Variants in ABCC4 observed in about 807,000 individuals in gnomAD.
ABCC4 encodes ATP binding cassette subfamily C member 4 (PEL blood group), also known as ATP-binding cassette sub-family C member 4.
Under a neutral mutation model 168.5 loss-of-function variants are expected in ABCC4, and 102 were observed. That is an observed-to-expected ratio of 0.61 (90% CI 0.52 to 0.71). ABCC4 has a LOEUF of 0.71. ABCC4 is among the 30% of genes least tolerant of loss of function. ABCC4 has a pLI of 0.00. For synonymous variants in ABCC4, 617 were observed against 590.7 expected, an observed-to-expected ratio of 1.04 and a Z score of -0.65; for missense variants, 1,402 against 1,605.8, an observed-to-expected ratio of 0.87 and a Z score of 2.17.
chr13:95,215,195 C>G (rs956584566), intron 4 of ABCC4, among the ~76,000 whole-genome samples: 2 of 152,088 alleles, frequency 1.3e-5, no homozygotes, highest in Non-Finnish European at 2.9e-5. Context: ...CTGAGGCAGT[C>G]AAATTGCTTG....
At chr13:95,275,908 T>C (rs575600564) in intron 1 of ABCC4, among the ~76,000 whole-genome samples, 2 of 152,358 alleles carry the variant, frequency 1.3e-5, no homozygotes, top group African/African-American at 2.4e-5. Context: ...GTCAATGGGA[T>C]AGATTTTAGG....
At chr13:95,229,891 G>A (rs956478226) in intron 4 of ABCC4, among the ~76,000 whole-genome samples, 3 of 152,102 alleles carry the variant, frequency 2.0e-5, no homozygotes, top group African/African-American at 7.2e-5. Context: ...CTCCAACATG[G>A]AGCCAACTCC....
At chr13:95,227,933 C>A (rs1457916263) in intron 4 of ABCC4, among the ~76,000 whole-genome samples, 4 of 152,174 alleles carry the variant, frequency 2.6e-5, no homozygotes, top group African/African-American at 7.2e-5. Context: ...TGGTCTCGAA[C>A]TCCTGGCCTC....
chr13:95,133,522 C>G (rs1320348124), intron 19 of ABCC4, among the ~76,000 whole-genome samples: 1 of 152,168 alleles, frequency 6.6e-6, no homozygotes, highest in Non-Finnish European at 1.5e-5. Flanking sequence ...TTCAGCTCGA[C>G]GTGGACACTC....
At chr13:95,059,548 G>A (rs1221623600) in intron 26 of ABCC4, among the ~76,000 whole-genome samples, 1 of 152,156 alleles carries the variant, frequency 6.6e-6, no homozygotes, top group African/African-American at 2.4e-5. Context: ...CTAAGACCGG[G>A]GTGGGGGAAA....
chr13:95,175,335 A>G (rs1166321391), intron 13 of ABCC4, among the ~76,000 whole-genome samples: 1 of 151,944 alleles, frequency 6.6e-6, no homozygotes, highest in African/African-American at 2.4e-5. Context: ...TATTTTTGAG[A>G]CAGAATCTCA....
intron 9 of ABCC4, among the ~76,000 whole-genome samples, chr13:95,193,098 T>G (rs1027249196): frequency 2.6e-5 from 4 of 152,150 alleles, no homozygotes; most frequent in Non-Finnish European, 5.9e-5. Context: ...TAGGCAAACA[T>G]GAAACAGGGA....
chr13:95,096,869 T>A (rs1352593884), intron 20 of ABCC4, among the ~76,000 whole-genome samples: 1 of 152,146 alleles, frequency 6.6e-6, no homozygotes, highest in African/African-American at 2.4e-5. Context: ...TAAAGAGCAC[T>A]GGAAAGGACA....
chr13:95,127,726 C>T (rs1027326046), intron 19 of ABCC4, among the ~76,000 whole-genome samples: 8 of 152,146 alleles, frequency 5.3e-5, no homozygotes, highest in African/African-American at 1.9e-4. Context: ...TGGTGCCATT[C>T]TCTAAGGATA....
At chr13:95,250,120 T>TCTTTGACCATCTATGTAAGGA (rs2040216234) in intron 1 of ABCC4, among the ~76,000 whole-genome samples, 2 of 152,194 alleles carry the variant, frequency 1.3e-5, no homozygotes, top group Non-Finnish European at 2.9e-5. Flanking sequence ...GACTAAATTA[T>TCTTTGACCATCTATGTAAGGA]CTTTGACCAT....
intron 19 of ABCC4, among the ~76,000 whole-genome samples, chr13:95,132,684 G>A (rs1729743): frequency 6.6e-6 from 1 of 152,120 alleles, no homozygotes; most frequent in Non-Finnish European, 1.5e-5. Flanking sequence ...AGCACCCACA[G>A]ATACAGAGGC....
chr13:95,282,223 G>A (rs1018234505), intron 1 of ABCC4, among the ~76,000 whole-genome samples: 3 of 152,130 alleles, frequency 2.0e-5, no homozygotes, highest in Admixed American at 2.0e-4. Flanking sequence ...GAACTTTGGG[G>A]GGACATAATT....
rs532033950 is a variant in ABCC4 at position 95,290,222 on chromosome 13, T to C, written c.74+11019A>G. Among the ~76,000 whole-genome samples the C allele has an allele frequency of 1.1e-4, 16 of 152,156 alleles. No homozygotes were observed. The South Asian group carries it at 3.3e-3, about 32-fold the overall frequency. ...AATTGGCCTATAAGGGGAACAGACA[T>C]CCATATTTTTATGGCTGTCCAGGTG... On this transcript the variant is annotated intron_variant, in intron 1 of 30. Coordinates refer to ENST00000645237, the MANE Select transcript of ABCC4 (RefSeq NM_005845.5).
intron 1 of ABCC4, among the ~76,000 whole-genome samples, chr13:95,265,669 G>A (rs1465416182): frequency 6.6e-6 from 1 of 152,124 alleles, no homozygotes; most frequent in Non-Finnish European, 1.5e-5. Context: ...AGGAGAGCAT[G>A]CACCCAGACA....
intron 19 of ABCC4, among the ~76,000 whole-genome samples, chr13:95,138,504 A>G (rs2036209798): frequency 6.6e-6 from 1 of 152,208 alleles, no homozygotes; most frequent in African/African-American, 2.4e-5. Flanking sequence ...AAAATTTGTG[A>G]CACATTAAAA....
At chr13:95,041,292 G>A (rs1334257847) in intron 29 of ABCC4, among the ~76,000 whole-genome samples, 2 of 152,202 alleles carry the variant, frequency 1.3e-5, no homozygotes, top group African/African-American at 4.8e-5. Context: ...GGCGCTTAAT[G>A]AACCAAAACT....
chr13:95,072,877 G>A (rs112263439), intron 24 of ABCC4, among the ~76,000 whole-genome samples: 26 of 152,240 alleles, frequency 1.7e-4, no homozygotes, highest in Non-Finnish European at 2.6e-4. Context: ...GGAATTACCC[G>A]TTAAGAAACA....
chr13:95,086,231 TTGCTA>T, intron 20 of ABCC4, among the ~76,000 whole-genome samples: 1 of 152,086 alleles, frequency 6.6e-6, no homozygotes, highest in South Asian at 2.1e-4. Context: ...CTTAAAATAT[TTGCTA>T]ATAGAACATG....
intron 4 of ABCC4, among the ~76,000 whole-genome samples, chr13:95,232,676 C>CA (rs60401581): frequency 0.26 from 33,996 of 131,954 alleles, 4,283 homozygotes; most frequent in Non-Finnish European, 0.31. Context: ...GACTTCATCT[C>CA]AAAAAAAAAA....
Sources: gnomAD v4.1 joint callset for allele counts (sites outside exome capture counted in the v4.1 genomes callset) on GRCh38, gnomAD v4.1.1 for gene constraint, MANE v1.5 for transcripts, NCBI Gene and HGNC (gene_info 2026-07-23, HGNC 2026-07-21) for gene names.